Variants in DAB1 observed in about 807,000 individuals in gnomAD.
The protein encoded by DAB1 is disabled homolog 1.
Under a neutral mutation model 64.6 loss-of-function variants are expected in DAB1, and 15 were observed. The ratio of observed to expected loss-of-function variants is 0.23; its 90% confidence interval spans 0.16 to 0.36. The LOEUF (loss-of-function observed/expected upper bound fraction) is 0.36, where lower values mean the gene tolerates loss of function less well. Among genes scored for constraint, DAB1 ranks in the 10% least tolerant of loss-of-function variants. DAB1 has a pLI of 1.00. For synonymous variants in DAB1, 235 were observed against 251.9 expected, an observed-to-expected ratio of 0.93 and a Z score of 0.64; for missense variants, 596 against 706.7, an observed-to-expected ratio of 0.84 and a Z score of 1.78.
intron 4 of DAB1, among the ~76,000 whole-genome samples, chr1:58,253,388 A>G (rs1404244534): frequency 6.6e-6 from 1 of 152,208 alleles, no homozygotes; most frequent in Admixed American, 6.5e-5. Flanking sequence ...GCCCTGAGTC[A>G]TGGCATTTGC....
chr1:57,754,821 C>G (rs1473629273), intron 6 of DAB1, among the ~76,000 whole-genome samples: 2 of 152,302 alleles, frequency 1.3e-5, no homozygotes, highest in South Asian at 2.1e-4. Context: ...ATATCTGACT[C>G]CAGGCCTCCT....
At chr1:57,107,202 C>G (rs1655243092) in intron 4 of DAB1, among the ~76,000 whole-genome samples, 1 of 151,974 alleles carries the variant, frequency 6.6e-6, no homozygotes, top group Non-Finnish European at 1.5e-5. Flanking sequence ...TGGTGAAACC[C>G]CGTCCCTACT....
intron 7 of DAB1, among the ~76,000 whole-genome samples, chr1:57,606,633 TTATATATGAAATATATATTATGTATGAAA>T (rs1558535718): frequency 1.0e-5 from 1 of 96,316 alleles, no homozygotes; most frequent in Non-Finnish European, 2.0e-5. Flanking sequence ...ATGAAATATA[TTATATATGAAATATATATTATGTATGAAA>T]TATATATGAA....
intron 5 of DAB1, among the ~76,000 whole-genome samples, chr1:58,142,146 T>C (rs950588918): frequency 1.4e-4 from 21 of 152,194 alleles, no homozygotes; most frequent in African/African-American, 4.8e-4. Flanking sequence ...TCCTTCACAC[T>C]ACTGGCTCCT....
At chr1:57,509,781 C>T (rs1222351749) in intron 7 of DAB1, among the ~76,000 whole-genome samples, 1 of 152,172 alleles carries the variant, frequency 6.6e-6, no homozygotes, top group Non-Finnish European at 1.5e-5. Flanking sequence ...CTAAGGACTT[C>T]AGTTCTTTAC....
intron 3 of DAB1, among the ~76,000 whole-genome samples, chr1:58,416,170 T>C (rs912931753): frequency 6.6e-6 from 1 of 152,102 alleles, no homozygotes; most frequent in Non-Finnish European, 1.5e-5. Flanking sequence ...CATAGCATAC[T>C]CATGTCAGAG....
rs144829032 is a variant in DAB1, at chr1:57,310,253, G to T, written c.-136-19087C>A. The stretch of plus-strand genomic sequence containing the variant: ...AATGAGTAGTTAGCAAAGGCCATAC[G>T]GAGATGACATTGGAGCAAAACTTTT... On this transcript the variant is annotated intron_variant, in intron 1 of 14. Coordinates refer to ENST00000371236, the MANE Select transcript of DAB1 (RefSeq NM_001365792.1). Among the ~76,000 whole-genome samples, 157 of 152,258 alleles carry T rather than the reference G, an allele frequency of 1.0e-3. 2 individuals are homozygous for T. The highest frequency in any genetic ancestry group is 3.7e-3 in the African/African-American group (152 of 41,528).
intron 1 of DAB1, among the ~76,000 whole-genome samples, chr1:58,540,796 C>CG (rs1646594575): frequency 6.7e-6 from 1 of 149,336 alleles, no homozygotes; most frequent in African/African-American, 2.5e-5. Context: ...CCCCAAAAAG[C>CG]GGGGAGGAGG....
intron 5 of DAB1, among the ~76,000 whole-genome samples, chr1:58,037,834 C>G (rs2100496244): frequency 6.6e-6 from 1 of 152,216 alleles, no homozygotes; most frequent in South Asian, 2.1e-4. Flanking sequence ...GGAAAGCTTC[C>G]TAATAGATCA....
At chr1:57,435,894 G>A (rs1206763579) in intron 7 of DAB1, among the ~76,000 whole-genome samples, 1 of 150,038 alleles carries the variant, frequency 6.7e-6, no homozygotes, top group Non-Finnish European at 1.5e-5. Flanking sequence ...ATAAGTGTAT[G>A]TGCTAGACTT....
chr1:57,917,536 T>C (rs984269470), intron 5 of DAB1, among the ~76,000 whole-genome samples: 1 of 152,218 alleles, frequency 6.6e-6, no homozygotes, highest in Non-Finnish European at 1.5e-5. Flanking sequence ...TACTAATATT[T>C]CTTCTGCCTT....
At chr1:57,903,123 C>G (rs1409680272) in intron 5 of DAB1, among the ~76,000 whole-genome samples, 2 of 152,096 alleles carry the variant, frequency 1.3e-5, no homozygotes, top group Non-Finnish European at 2.9e-5. Context: ...ACAGGAAAGA[C>G]CCACCCCCAT....
intron 1 of DAB1, among the ~76,000 whole-genome samples, chr1:57,309,905 G>A (rs897286846): frequency 2.6e-5 from 4 of 152,138 alleles, no homozygotes; most frequent in African/African-American, 9.7e-5. Flanking sequence ...GTTGGGCAAG[G>A]AGCAATCAAT....
At chr1:58,371,555 C>A (rs2100535329) in intron 3 of DAB1, among the ~76,000 whole-genome samples, 1 of 152,292 alleles carries the variant, frequency 6.6e-6, no homozygotes, top group Non-Finnish European at 1.5e-5. Flanking sequence ...GAAATTTGCA[C>A]AAGTAATGAG....
intron 5 of DAB1, among the ~76,000 whole-genome samples, chr1:58,100,602 T>C (rs1398838667): frequency 6.6e-6 from 1 of 152,228 alleles, no homozygotes; most frequent in Non-Finnish European, 1.5e-5. Flanking sequence ...TGCTGGATTA[T>C]GGTAATTCTA....
intron 7 of DAB1, among the ~76,000 whole-genome samples, chr1:57,478,139 G>A (rs1021121435): frequency 6.6e-6 from 1 of 151,536 alleles, no homozygotes. Flanking sequence ...ACCTAAGGTT[G>A]TACAAAGATT....
chr1:58,231,856 G>A lies in DAB1; in HGVS notation n.310-81268C>T, dbSNP rs556079676. ...TACTAGCTGCACATTTTCTCACTTGGTCTTCATAACAGCCAGTGATACTGG... is the reference window on the plus strand; with the variant it reads ...TACTAGCTGCACATTTTCTCACTTGATCTTCATAACAGCCAGTGATACTGG... On this transcript the variant is annotated intron_variant and non_coding_transcript_variant, in intron 4 of 20. Transcript: ENST00000485760. Among the ~76,000 whole-genome samples the A allele has an allele frequency of 3.3e-5, 5 of 152,218 alleles. No individual in the cohort carries two copies. In the East Asian group the frequency reaches 9.7e-4, roughly 29 times the overall value.
chr1:58,283,820 C>G (rs1017773480), intron 4 of DAB1, among the ~76,000 whole-genome samples: 1 of 152,154 alleles, frequency 6.6e-6, no homozygotes, highest in Non-Finnish European at 1.5e-5. Context: ...ATTGTCTAGT[C>G]TTGACAGACT....
At chr1:58,033,979 C>G (rs781594874) in intron 5 of DAB1, among the ~76,000 whole-genome samples, 1 of 152,128 alleles carries the variant, frequency 6.6e-6, no homozygotes, top group Non-Finnish European at 1.5e-5. Context: ...AATTCTAGAA[C>G]GGCCACCAGT....
Sources: gnomAD v4.1 joint callset for allele counts (sites outside exome capture counted in the v4.1 genomes callset) on GRCh38, gnomAD v4.1.1 for gene constraint, MANE v1.5 for transcripts, NCBI Gene and HGNC (gene_info 2026-07-23, HGNC 2026-07-21) for gene names.